Variants in H4C1 observed in about 807,000 individuals in gnomAD.
The protein encoded by H4C1 is H4 clustered histone 1, also known as histone H4.
H4C1 carries 9 observed loss-of-function variants against 4.4 expected under a neutral mutation model. The ratio of observed to expected loss-of-function variants is 2.05; its 90% CI spans 1.23 to 3.57. The LOEUF is 3.57. H4C1 is among the 30% of genes most tolerant of loss of function. H4C1 has a pLI of 0.00. For synonymous variants in H4C1, 74 were observed against 57.9 expected, an observed-to-expected ratio of 1.28 and a Z score of -1.27; for missense variants, 124 against 148.8, an observed-to-expected ratio of 0.83 and a Z score of 0.87.
Position 26,022,014 on chromosome 6 carries a change from G to C in H4C1, c.*24G>C. Reference sequence around the variant, plus strand: ...AAGGTTGCTGATTTCTCCACAGCTTGCATTTCTGAACCAAAGGCCCTTTTC... The same window carrying C: ...AAGGTTGCTGATTTCTCCACAGCTTCCATTTCTGAACCAAAGGCCCTTTTC... On this transcript the variant is annotated 3_prime_UTR_variant, in exon 1 of 1. Transcript: ENST00000617569. The C allele has an allele frequency of 6.5e-7, 1 of 1,542,396 alleles. No individual in the cohort carries two copies. Among genetic ancestry groups the C allele is most frequent in the Non-Finnish European group, 8.7e-7 (1 of 1,145,074 alleles).
Position 26,021,718 on chromosome 6 carries a change from G to A in H4C1, c.40G>A (p.Gly14Arg). Residue 14 changes from glycine (G) to arginine (R), a missense_variant, in exon 1 of 1, where the codon GGG becomes AGG. Transcript: ENST00000617569. ...TAAGGGCGGGAAGGGTTTGGGTAAG[G>A]GGGGTGCCAAGCGCCACCGCAAGGT... The part of the protein sequence containing the change: ...RGKGGKGLGK[G>R]GAKRHRKVLR... The A allele has an allele frequency of 6.2e-7, 1 of 1,613,382 alleles. No homozygotes were observed. The highest frequency in any genetic ancestry group is 1.1e-5 in the South Asian group (1 of 90,974).
In H4C1 at chr6:26,021,965, G is replaced by A. The variant is rs765910170; in HGVS notation, c.287G>A (p.Arg96His). The change falls in exon 1 of 1, where the codon CGC becomes CAC. Residue 96 changes from arginine to histidine, a missense_variant. Transcript: ENST00000617569. ...GTCTACGCGCTTAAGCGCCAGGGAC[G>A]CACCCTTTATGGCTTTGGCGGTTAA... The part of the protein sequence containing the change: ...DVVYALKRQG[R>H]TLYGFGG The A allele has an allele frequency of 6.2e-7, 1 of 1,606,084 alleles. No homozygotes were observed. The highest frequency in any genetic ancestry group is 8.5e-7 in the Non-Finnish European group (1 of 1,175,166).
chr6:26,021,692 G>T lies in H4C1; in HGVS notation c.14G>T (p.Gly5Val). Residue 5 changes from glycine (G) to valine (V), a missense_variant, in exon 1 of 1, where the codon GGT becomes GTT. Coordinates refer to ENST00000617569, the MANE Select transcript of H4C1 (RefSeq NM_003538.4). ...TCTTGGGAAGTCATGTCTGGACGTG[G>T]TAAGGGCGGGAAGGGTTTGGGTAAG... The part of the protein sequence containing the change: MSGR[G>V]KGGKGLGKGG... The T allele has an allele frequency of 1.2e-6, 2 of 1,604,444 alleles. No homozygotes were observed. The highest frequency in any genetic ancestry group is 8.5e-7 in the Non-Finnish European group (1 of 1,173,954).
At position 26,021,876 on chromosome 6, in the gene H4C1, G is replaced by A; in HGVS notation, c.198G>A (p.Val66=). The A allele has an allele frequency of 6.2e-7, 1 of 1,614,244 alleles. No homozygotes were observed. The highest frequency in any genetic ancestry group is 8.5e-7 in the Non-Finnish European group (1 of 1,180,038). Residue 66 remains valine, a synonymous_variant, in exon 1 of 1, where the codon GTG becomes GTA. Transcript: ENST00000617569. ...TGCTCAAGGTGTTTTTGGAGAACGT[G>A]ATCCGTGACGCTGTCACCTATACGG... ...RGVLKVFLEN[V]IRDAVTYTEH...
rs772429610 is a variant in H4C1, at chr6:26,022,007, A to T, written c.*17A>T. 2 of 1,550,488 alleles carry T rather than the reference A, an allele frequency of 1.3e-6. No homozygotes were observed. The highest frequency in any genetic ancestry group is 1.7e-4 in the Middle Eastern group (1 of 5,756). On this transcript the variant is annotated 3_prime_UTR_variant, in exon 1 of 1. Transcript: ENST00000617569. ...GGCGGTTAAGGTTGCTGATTTCTCC[A>T]CAGCTTGCATTTCTGAACCAAAGGC...
In H4C1 at chr6:26,021,969, C is replaced by A. The variant is rs758977714; in HGVS notation, c.291C>A (p.Thr97=). The A allele has an allele frequency of 7.5e-6, 12 of 1,595,358 alleles. No individual in the cohort carries two copies. The East Asian group carries it at 2.7e-4, about 36-fold the overall frequency. ...VVYALKRQGR[T]LYGFGG is the part of the protein sequence containing the mutation. Reference sequence around the variant, plus strand: ...ACGCGCTTAAGCGCCAGGGACGCACCCTTTATGGCTTTGGCGGTTAAGGTT... The same window carrying A: ...ACGCGCTTAAGCGCCAGGGACGCACACTTTATGGCTTTGGCGGTTAAGGTT... The change falls in exon 1 of 1, where the codon ACC becomes ACA. Residue 97 remains threonine (T), a synonymous_variant. Transcript: ENST00000617569.
At position 26,021,676 on chromosome 6, in the gene H4C1, G is replaced by T; in HGVS notation, c.-3G>T. On this transcript the variant is annotated 5_prime_UTR_variant, in exon 1 of 1. Coordinates refer to ENST00000617569, the MANE Select transcript of H4C1 (RefSeq NM_003538.4). ...TTGCTCTTGGTTCACTTCTTGGGAA[G>T]TCATGTCTGGACGTGGTAAGGGCGG... is the stretch of plus-strand genomic sequence containing the variant. 1 of 1,592,048 alleles carries T rather than the reference G, an allele frequency of 6.3e-7. No individual in the cohort carries two copies. The highest frequency in any genetic ancestry group is 1.1e-5 in the South Asian group (1 of 88,296).
rs1260607497 is a variant in H4C1 at position 26,021,879 on chromosome 6, C to T, written c.201C>T (p.Ile67=). The T allele has an allele frequency of 6.2e-7, 1 of 1,614,100 alleles. No individual in the cohort carries two copies. Among genetic ancestry groups the T allele is most frequent in the African/African-American group, 1.3e-5 (1 of 74,942 alleles). ...GVLKVFLENV[I]RDAVTYTEHA... The stretch of plus-strand genomic sequence containing the variant: ...TCAAGGTGTTTTTGGAGAACGTGAT[C>T]CGTGACGCTGTCACCTATACGGAGC... Residue 67 remains isoleucine (I), a synonymous_variant, in exon 1 of 1, where the codon ATC becomes ATT. Coordinates refer to ENST00000617569, the MANE Select transcript of H4C1 (RefSeq NM_003538.4).
At position 26,022,038 on chromosome 6, in the gene H4C1, T is replaced by A. The variant is rs780250775; in HGVS notation, c.*48T>A. On this transcript the variant is annotated 3_prime_UTR_variant, in exon 1 of 1. Transcript: ENST00000617569. ...TGCATTTCTGAACCAAAGGCCCTTT[T>A]CAGGGCCGCCCAACTAAACAAAAGA... 6.0e-6 allele frequency: 9 copies of A among 1,504,240 alleles called. No homozygotes were observed. Among genetic ancestry groups the A allele is most frequent in the Non-Finnish European group, 8.0e-6 (9 of 1,120,282 alleles). 93.2% of individuals were successfully genotyped at this position (1,504,240 alleles called of 1,614,324 possible). A position where few individuals can be genotyped will look rare whatever the true frequency, so the allele number is the denominator to read the frequency against.
At position 26,021,957 on chromosome 6, in the gene H4C1, C is replaced by T. The variant is rs998878273; in HGVS notation, c.279C>T (p.Arg93=). The change falls in exon 1 of 1, where the codon CGC becomes CGT. Residue 93 remains arginine (R), a synonymous_variant. Transcript: ENST00000617569. The part of the protein sequence containing the change: ...TAMDVVYALK[R]QGRTLYGFGG The stretch of plus-strand genomic sequence containing the variant: ...TGGACGTGGTCTACGCGCTTAAGCG[C>T]CAGGGACGCACCCTTTATGGCTTTG... The T allele has an allele frequency of 3.1e-6, 5 of 1,609,078 alleles. No individual in the cohort carries two copies. The highest frequency in any genetic ancestry group is 4.2e-6 in the Non-Finnish European group (5 of 1,176,816).
rs1261023659 is a variant in H4C1, at chr6:26,021,829, A to C, written c.151A>C (p.Ile51Leu). The change falls in exon 1 of 1, where the codon ATC becomes CTC. Residue 51 changes from isoleucine to leucine, a missense_variant. By Grantham distance (5) the Ile-to-Leu change is conservative. Coordinates refer to ENST00000617569, the MANE Select transcript of H4C1 (RefSeq NM_003538.4). ...CGGTGTGAAGCGGATCTCTGGTCTGATCTACGAGGAGACTCGCGGGGTGCT... is the reference window on the plus strand; with the variant it reads ...CGGTGTGAAGCGGATCTCTGGTCTGCTCTACGAGGAGACTCGCGGGGTGCT... Reference protein sequence around the residue: ...RGGVKRISGLIYEETRGVLKV... With the variant: ...RGGVKRISGLLYEETRGVLKV... The C allele has an allele frequency of 6.2e-7, 1 of 1,614,242 alleles. No individual in the cohort carries two copies. Among genetic ancestry groups the C allele is most frequent in the Admixed American group, 1.7e-5 (1 of 60,036 alleles).
Position 26,021,662 on chromosome 6 carries a change from T to A in H4C1, c.-17T>A. The A allele has an allele frequency of 6.3e-7, 1 of 1,575,788 alleles. No individual in the cohort carries two copies. Among genetic ancestry groups the A allele is most frequent in the Non-Finnish European group, 8.6e-7 (1 of 1,158,144 alleles). ...TCCTATTCTCTCACTTGCTCTTGGT[T>A]CACTTCTTGGGAAGTCATGTCTGGA... On this transcript the variant is annotated 5_prime_UTR_variant, in exon 1 of 1. Transcript: ENST00000617569.
In H4C1 at chr6:26,021,672, G is replaced by A. The variant is rs1277895480; in HGVS notation, c.-7G>A. 5.7e-6 allele frequency: 9 copies of A among 1,587,656 alleles called. No homozygotes were observed. The highest frequency in any genetic ancestry group is 7.7e-6 in the Non-Finnish European group (9 of 1,164,842). The stretch of plus-strand genomic sequence containing the variant: ...TCACTTGCTCTTGGTTCACTTCTTG[G>A]GAAGTCATGTCTGGACGTGGTAAGG... On this transcript the variant is annotated 5_prime_UTR_variant, in exon 1 of 1. Coordinates refer to ENST00000617569, the MANE Select transcript of H4C1 (RefSeq NM_003538.4).
Position 26,021,894 on chromosome 6 carries a change from C to T in H4C1, c.216C>T (p.Thr72=), listed in dbSNP as rs758207208. The T allele has an allele frequency of 1.9e-5, 31 of 1,614,186 alleles. 1 individual carries two copies. The South Asian group carries it at 2.6e-4, about 14-fold the overall frequency. ...AGAACGTGATCCGTGACGCTGTCAC[C>T]TATACGGAGCACGCCAAGCGCAAGA... is the stretch of plus-strand genomic sequence containing the variant. ...FLENVIRDAV[T]YTEHAKRKTV... Residue 72 remains threonine, a synonymous_variant, in exon 1 of 1, where the codon ACC becomes ACT. Coordinates refer to ENST00000617569, the MANE Select transcript of H4C1 (RefSeq NM_003538.4).
chr6:26,021,651 T>C lies in H4C1; in HGVS notation c.-28T>C. The stretch of plus-strand genomic sequence containing the variant: ...AAAGATCGGTTTCCTATTCTCTCAC[T>C]TGCTCTTGGTTCACTTCTTGGGAAG... On this transcript the variant is annotated 5_prime_UTR_variant, in exon 1 of 1. Transcript: ENST00000617569. The C allele has an allele frequency of 2.6e-6, 4 of 1,558,782 alleles. No homozygotes were observed. Among genetic ancestry groups the C allele is most frequent in the Non-Finnish European group, 3.5e-6 (4 of 1,147,976 alleles).
At position 26,021,850 on chromosome 6, in the gene H4C1, G is replaced by C. The variant is rs765891383; in HGVS notation, c.172G>C (p.Val58Leu). The change falls in exon 1 of 1, where the codon GTG becomes CTG. Residue 58 changes from valine (V) to leucine (L), a missense_variant. Coordinates refer to ENST00000617569, the MANE Select transcript of H4C1 (RefSeq NM_003538.4). ...TCTGATCTACGAGGAGACTCGCGGG[G>C]TGCTCAAGGTGTTTTTGGAGAACGT... Reference protein sequence around the residue: ...SGLIYEETRGVLKVFLENVIR... With the variant: ...SGLIYEETRGLLKVFLENVIR... 16 of 1,614,270 alleles carry C rather than the reference G, an allele frequency of 9.9e-6. No individual in the cohort carries two copies. In the South Asian group the frequency reaches 1.8e-4, roughly 18 times the overall value.
At position 26,021,742 on chromosome 6, in the gene H4C1, G is replaced by A. The variant is rs1761260545; in HGVS notation, c.64G>A (p.Val22Met). Reference sequence around the variant, plus strand: ...GGGGGGTGCCAAGCGCCACCGCAAGGTGTTGCGTGACAACATCCAGGGCAT... The same window carrying A: ...GGGGGGTGCCAAGCGCCACCGCAAGATGTTGCGTGACAACATCCAGGGCAT... ...GKGGAKRHRK[V>M]LRDNIQGITK... Residue 22 changes from valine to methionine, a missense_variant, in exon 1 of 1, where the codon GTG (valine) becomes ATG (methionine). Val to Met is a conservative substitution (Grantham distance 21). Transcript: ENST00000617569. 1 of 1,614,222 alleles carries A rather than the reference G, an allele frequency of 6.2e-7. No individual in the cohort carries two copies. Among genetic ancestry groups the A allele is most frequent in the Non-Finnish European group, 8.5e-7 (1 of 1,180,028 alleles).
In H4C1 at chr6:26,021,990, A is replaced by G. The variant is rs757094549; in HGVS notation, c.312A>G (p.Ter104=). The part of the protein sequence containing the change: ...QGRTLYGFGG[*] ...GCACCCTTTATGGCTTTGGCGGTTA[A>G]GGTTGCTGATTTCTCCACAGCTTGC... Residue 104 remains the stop codon, a stop_retained_variant, in exon 1 of 1, where the codon TAA becomes TAG. Transcript: ENST00000617569. 6.4e-7 allele frequency: 1 copy of G among 1,570,350 alleles called. No individual in the cohort carries two copies. The highest frequency in any genetic ancestry group is 8.6e-7 in the Non-Finnish European group (1 of 1,157,324).
In H4C1 at chr6:26,021,819, C is replaced by A. The variant is rs371615314; in HGVS notation, c.141C>A (p.Ile47=). The A allele has an allele frequency of 1.4e-5, 22 of 1,614,156 alleles. No individual in the cohort carries two copies. The highest frequency in any genetic ancestry group is 2.7e-5 in the African/African-American group (2 of 74,948). Residue 47 remains isoleucine, a synonymous_variant, in exon 1 of 1, where the codon ATC becomes ATA. Transcript: ENST00000617569. ...CCCGGCGTGGCGGTGTGAAGCGGAT[C>A]TCTGGTCTGATCTACGAGGAGACTC... The part of the protein sequence containing the change: ...RLARRGGVKR[I]SGLIYEETRG...
Sources: allele counts gnomAD v4.1 joint callset, GRCh38; gene constraint gnomAD v4.1.1; transcripts MANE v1.5; gene names NCBI Gene and HGNC (gene_info 2026-07-23, HGNC 2026-07-21).